The following SEC31A variants were observed in gnomAD, a reference collection of about 807,000 sequenced individuals.
SEC31A encodes the protein SEC31 homolog A, COPII component, also known as protein transport protein Sec31A.
In SEC31A, 70 loss-of-function variants were observed where a neutral mutation model predicts 151.0. The observed-to-expected ratio is 0.46, with a 90% CI of 0.38 to 0.57. The LOEUF (loss-of-function observed/expected upper bound fraction) is 0.57, where lower values mean the gene tolerates loss of function less well. SEC31A is among the 20% of genes least tolerant of loss of function. The pLI is 0.00. For missense variants in SEC31A, 1,330 were observed against 1,471.2 expected (o/e 0.90, Z 1.57); for synonymous variants, 475 against 505.9 (o/e 0.94, Z 0.82).
chr4:82,873,231 G>A (rs1012227376), intron 6 of SEC31A, among the ~76,000 whole-genome samples: 21 of 151,674 alleles, frequency 1.4e-4, no homozygotes, highest in African/African-American at 4.6e-4. Context: ...GGTGGCGGAC[G>A]CCTGTAATCC....
intron 10 of SEC31A, among the ~76,000 whole-genome samples, chr4:82,864,897 T>A (rs951586270): frequency 3.9e-5 from 6 of 151,966 alleles, no homozygotes; most frequent in African/African-American, 1.5e-4. Flanking sequence ...TGCCTCAGCC[T>A]CCTGAGTAGC....
In SEC31A at chr4:82,874,668, A is replaced by T. The variant is rs554009914; in HGVS notation, c.582T>A (p.Thr194=). The T allele has an allele frequency of 9.5e-5, 154 of 1,613,460 alleles. 2 individuals carry two copies. The highest frequency in any genetic ancestry group is 6.9e-4 in the South Asian group (63 of 90,942). ...LASASPSGRA[T]VWDLRKNEPI... is the part of the protein sequence containing the mutation. The stretch of plus-strand genomic sequence containing the variant: ...GCTCATTTTTTCTAAGATCCCATAC[A>T]GTGGCCCGGCCACTGGGACTGGCTG... The change falls in exon 6 of 27, where the codon ACT becomes ACA. Residue 194 remains threonine (T), a synonymous_variant. Transcript: ENST00000395310.
exon 2 of SEC31A, chr4:82,900,077 C>G (rs1057004906): frequency 1.3e-5 from 2 of 152,302 alleles, no homozygotes; most frequent in Non-Finnish European, 2.9e-5. Context: ...AGAACCTTAC[C>G]TTATTTCCTT....
chr4:82,820,473 A>G (rs1723090265), intron 26 of SEC31A, among the ~76,000 whole-genome samples: 1 of 152,208 alleles, frequency 6.6e-6, no homozygotes, highest in African/African-American at 2.4e-5. Context: ...TGCTTTCATT[A>G]ATAAAACAAG....
chr4:82,848,366 GAATACA>G (rs1730693579), intron 20 of SEC31A, among the ~76,000 whole-genome samples: 1 of 145,112 alleles, frequency 6.9e-6, no homozygotes. Flanking sequence ...TGCAAATACA[GAATACA>G]CTAAGCCTAA....
chr4:82,827,570 G>T lies in SEC31A; in HGVS notation c.3090C>A (p.Asp1030Glu). ...GTTGCTGCAGCATTTGTGACTGGGG[G>T]TCACCCAACGGGTTCATGATTGGTG... ...ITSPIMNPLG[D>E]PQSQMLQQQP... The change falls in exon 24 of 27, where the codon GAC (aspartate) becomes GAA (glutamate). Residue 1030 changes from aspartate (D) to glutamate (E), a missense_variant. Transcript: ENST00000395310. The T allele has an allele frequency of 6.2e-7, 1 of 1,614,174 alleles. No individual in the cohort carries two copies. Among genetic ancestry groups the T allele is most frequent in the Non-Finnish European group, 8.5e-7 (1 of 1,180,012 alleles).
Position 82,827,594 on chromosome 4 carries a change from T to A in SEC31A, c.3066A>T (p.Ser1022=), listed in dbSNP as rs147781122. Residue 1022 remains serine, a synonymous_variant, in exon 24 of 27, where the codon TCA becomes TCT. Coordinates refer to ENST00000395310, the MANE Select transcript of SEC31A (RefSeq NM_001077207.4). ...ENFMPPVPIT[S]PIMNPLGDPQ... ...GGTCACCCAACGGGTTCATGATTGG[T>A]GATGTGATGGGAACAGGAGGCATGA... 3,091 of 1,614,028 alleles carry A rather than the reference T, an allele frequency of 1.9e-3. 34 individuals are homozygous for A. Among genetic ancestry groups the A allele is most frequent in the South Asian group, 0.017 (1,524 of 91,068 alleles).
intron 14 of SEC31A, 125 bp from the exon 15 acceptor site, chr4:82,857,889 G>T (rs754040562): frequency 1.2e-5 from 7 of 592,048 alleles, no homozygotes; most frequent in Non-Finnish European, 2.1e-5. Context: ...TTCCAGAAAA[G>T]TTCTCAGATC....
At chr4:82,830,979 T>C (rs1288466965) in intron 22 of SEC31A, 2 of 1,195,774 alleles carry the variant, frequency 1.7e-6, no homozygotes, top group African/African-American at 1.6e-5. Context: ...TGGTTTTCTG[T>C]AGACAAAATG....
At chr4:82,887,494 C>T (rs1396011874) in intron 1 of SEC31A, among the ~76,000 whole-genome samples, 2 of 152,186 alleles carry the variant, frequency 1.3e-5, no homozygotes, top group Admixed American at 6.5e-5. Flanking sequence ...CAATTAAGAG[C>T]ATGGGGTCTA....
At chr4:82,894,510 G>C (rs1441326667), upstream of SEC31A, 1 of 152,222 alleles carries the variant, frequency 6.6e-6, no homozygotes, top group Non-Finnish European at 1.5e-5. Context: ...CTATGGTGTT[G>C]GCTGTTGTTT....
chr4:82,845,103 GT>G, intron 20 of SEC31A: 1 of 769,292 alleles, frequency 1.3e-6, no homozygotes, highest in South Asian at 1.7e-5. Context: ...TGGATGGGGA[GT>G]GGGGGTGAAA....
chr4:82,878,748 C>T lies in SEC31A; in HGVS notation c.384G>A (p.Leu128=). 1 of 1,613,888 alleles carries T rather than the reference C, an allele frequency of 6.2e-7. No homozygotes were observed. The highest frequency in any genetic ancestry group is 8.5e-7 in the Non-Finnish European group (1 of 1,179,830). ...NDKHTGPVRA[L]DVNIFQTNLV... is the part of the protein sequence containing the mutation. ...TCTTAACCTGGAAAATGTTCACATC[C>T]AAGGCTCTCACTGGGCCAGTATGCT... The change falls in exon 4 of 27, where the codon TTG becomes TTA. Residue 128 remains leucine (L), a synonymous_variant. Coordinates refer to ENST00000395310, the MANE Select transcript of SEC31A (RefSeq NM_001077207.4).
intron 22 of SEC31A, among the ~76,000 whole-genome samples, chr4:82,841,241 T>C (rs952361353): frequency 2.0e-5 from 3 of 149,412 alleles, no homozygotes; most frequent in Non-Finnish European, 3.0e-5. Flanking sequence ...CTGGCCAACA[T>C]GGTGAAAGCC....
At chr4:82,872,202 T>TTTTG in intron 6 of SEC31A, 116 bp from the exon 7 acceptor site, 1 of 657,586 alleles carries the variant, frequency 1.5e-6, no homozygotes, top group Non-Finnish European at 2.3e-6. Context: ...CTGTGGCTTA[T>TTTTG]TTTATTTATG....
At chr4:82,848,733 A>G in intron 20 of SEC31A, 71 bp downstream of exon 20, 1 of 1,381,806 alleles carries the variant, frequency 7.2e-7, no homozygotes, top group South Asian at 1.4e-5. Context: ...TCTCCTGCTG[A>G]ACAAATGAAA....
chr4:82,845,998 G>A (rs1252643904), intron 20 of SEC31A, among the ~76,000 whole-genome samples: 1 of 151,826 alleles, frequency 6.6e-6, no homozygotes, highest in African/African-American at 2.4e-5. Flanking sequence ...TTTTTTGTTT[G>A]TTTGTTTGTT....
chr4:82,836,378 A>AT (rs951791970), intron 22 of SEC31A, among the ~76,000 whole-genome samples: 2 of 151,268 alleles, frequency 1.3e-5, no homozygotes, highest in Non-Finnish European at 3.0e-5. Context: ...ATCTCAAAAA[A>AT]AAAAAAAAAA....
intron 22 of SEC31A, among the ~76,000 whole-genome samples, chr4:82,832,675 C>T (rs1726217085): frequency 1.3e-5 from 2 of 152,126 alleles, no homozygotes; most frequent in Non-Finnish European, 2.9e-5. Flanking sequence ...GACTAATATC[C>T]AGAATCTACA....
Sources: gnomAD v4.1 joint callset for allele counts (sites outside exome capture counted in the v4.1 genomes callset) on GRCh38, gnomAD v4.1.1 for gene constraint, MANE v1.5 for transcripts, NCBI Gene and HGNC (gene_info 2026-07-23, HGNC 2026-07-21) for gene names.